The following CSPP1 variants were observed in gnomAD, a reference collection of about 807,000 sequenced individuals.
The protein encoded by CSPP1 is centrosome and spindle pole associated protein 1.
In CSPP1, 126 loss-of-function variants were observed where a neutral mutation model predicts 164.4. The observed-to-expected ratio is 0.77, with a 90% CI of 0.66 to 0.89. CSPP1 has a LOEUF of 0.89. Ranked by LOEUF, CSPP1 falls within the 40% of genes least tolerant of loss-of-function variation. The probability of loss-of-function intolerance (pLI) is 0.00; values close to 1 mark genes in which losing one functional copy is unlikely to be tolerated. For synonymous variants in CSPP1, 472 were observed against 476.7 expected (o/e 0.99, Z 0.13); for missense variants, 1,395 against 1,449.8 (o/e 0.96, Z 0.61).
chr8:67,183,030 A>G (rs1315552178), intron 28 of CSPP1, among the ~76,000 whole-genome samples: 1 of 152,210 alleles, frequency 6.6e-6, no homozygotes, highest in Admixed American at 6.5e-5. Flanking sequence ...TTGGTGTCAC[A>G]TCTAAGACAT....
rs371874012 is a variant in CSPP1 at position 67,170,563 on chromosome 8, G to C, written c.2829-1853G>C. On this transcript the variant is annotated intron_variant, in intron 24 of 30. Transcript: ENST00000678616. ...GAGGTCAAACTGCTAATAAATAACA[G>C]AGCTGGTCTTTGAATCTCAGTTTCT... Among the ~76,000 whole-genome samples the C allele has an allele frequency of 1.4e-3, 212 of 152,242 alleles. 1 individual carries two copies. The highest frequency in any genetic ancestry group is 4.8e-3 in the African/African-American group (201 of 41,534).
At chr8:67,104,298 T>C (rs2129547381) in intron 8 of CSPP1, among the ~76,000 whole-genome samples, 2 of 151,728 alleles carry the variant, frequency 1.3e-5, no homozygotes, top group Admixed American at 1.3e-4. Context: ...AGAGTCTCGC[T>C]TTGTTGTCCA....
At chr8:67,123,640 C>T (rs1819448535) in intron 15 of CSPP1, among the ~76,000 whole-genome samples, 1 of 147,144 alleles carries the variant, frequency 6.8e-6, no homozygotes, top group African/African-American at 2.5e-5. Flanking sequence ...GATAGGGTCT[C>T]ATTCTCTTTC....
chr8:67,193,879 A>G (rs1191039839), intron 30 of CSPP1, among the ~76,000 whole-genome samples: 1 of 152,286 alleles, frequency 6.6e-6, no homozygotes, highest in Non-Finnish European at 1.5e-5. Context: ...TGCTTTCAGC[A>G]AAGAAAATGC....
intron 21 of CSPP1, among the ~76,000 whole-genome samples, chr8:67,161,338 T>A (rs1280032045): frequency 6.6e-6 from 1 of 152,202 alleles, no homozygotes; most frequent in Non-Finnish European, 1.5e-5. Context: ...TAATACACTA[T>A]AAACTGAAAT....
intron 4 of CSPP1, among the ~76,000 whole-genome samples, chr8:67,089,134 G>GT (rs978269524): frequency 6.6e-5 from 10 of 152,036 alleles, no homozygotes; most frequent in African/African-American, 2.4e-4. Context: ...GGATATTTGA[G>GT]TTTTTAAAAA....
intron 9 of CSPP1, among the ~76,000 whole-genome samples, chr8:67,110,561 A>T (rs1816643310): frequency 6.6e-6 from 1 of 151,982 alleles, no homozygotes; most frequent in Admixed American, 6.6e-5. Flanking sequence ...GTCTGAAGGG[A>T]CCTCCTGTGG....
chr8:67,076,373 T>C (rs1174028125), intron 2 of CSPP1, 109 bp from the exon 3 acceptor site: 36 of 531,000 alleles, frequency 6.8e-5, no homozygotes, highest in Non-Finnish European at 1.0e-4. Flanking sequence ...ATTTCTTCTA[T>C]GATGTACTGT....
chr8:67,110,022 A>AC (rs1197719503), intron 9 of CSPP1, among the ~76,000 whole-genome samples: 2 of 150,690 alleles, frequency 1.3e-5, no homozygotes, highest in Non-Finnish European at 3.0e-5. Context: ...TAGATAAGCC[A>AC]CCCCCGCCCC....
intron 27 of CSPP1, 109 bp from the exon 28 acceptor site, chr8:67,179,754 T>A: frequency 4.2e-6 from 3 of 716,924 alleles, no homozygotes; most frequent in Non-Finnish European, 7.3e-6. Context: ...CTACCCATCC[T>A]CTGCTTTTAG....
chr8:67,149,998 T>C, intron 18 of CSPP1, 63 bp downstream of exon 18: 1 of 1,426,300 alleles, frequency 7.0e-7, no homozygotes, highest in Non-Finnish European at 9.3e-7. Flanking sequence ...TCAGTAACAT[T>C]TCTGTTCTGT....
At position 67,193,595 on chromosome 8, in the gene CSPP1, T is replaced by TAATA; in HGVS notation, c.3463_3466dup (p.Thr1156LysfsTer4). 6.2e-7 allele frequency: 1 copy of TAATA among 1,613,100 alleles called. No homozygotes were observed. Among genetic ancestry groups the TAATA allele is most frequent in the East Asian group, 2.2e-5 (1 of 44,848 alleles). ...TGAATGAATTTCACAATAAACCTAT[T>TAATA]AATACAGGTAAATGACCAAGTGTAA... On this transcript the variant is annotated frameshift_variant, in exon 30 of 31. Transcript: ENST00000678616. LOFTEE classifies it high-confidence loss of function.
intron 15 of CSPP1, among the ~76,000 whole-genome samples, chr8:67,120,474 T>C (rs891847649): frequency 4.6e-5 from 7 of 152,236 alleles, no homozygotes; most frequent in Non-Finnish European, 1.0e-4. Flanking sequence ...AACAGTGTCA[T>C]GTCTTCTGAT....
At chr8:67,099,608 T>C (rs1813602133) in intron 7 of CSPP1, among the ~76,000 whole-genome samples, 1 of 152,180 alleles carries the variant, frequency 6.6e-6, no homozygotes, top group Non-Finnish European at 1.5e-5. Flanking sequence ...AATAGAGATG[T>C]AGCCGTGGTA....
chr8:67,111,033 C>G (rs543062567), intron 9 of CSPP1, among the ~76,000 whole-genome samples: 71 of 152,274 alleles, frequency 4.7e-4, no homozygotes, highest in African/African-American at 1.7e-3. Flanking sequence ...TTGCTGACAT[C>G]TATGCTTAAT....
At chr8:67,150,026 G>T in intron 18 of CSPP1, 91 bp downstream of exon 18, 2 of 1,297,192 alleles carry the variant, frequency 1.5e-6, no homozygotes, top group Non-Finnish European at 1.0e-6. Flanking sequence ...TTCTTATTGG[G>T]ATCTTGAGAA....
intron 7 of CSPP1, among the ~76,000 whole-genome samples, chr8:67,097,016 A>G (rs967696596): frequency 1.3e-5 from 2 of 152,324 alleles, no homozygotes; most frequent in African/African-American, 2.4e-5. Flanking sequence ...TTGTGACACT[A>G]TTTATAATTT....
chr8:67,116,159 A>G (rs374121955), intron 13 of CSPP1, 37 bp downstream of exon 13: 61 of 1,413,018 alleles, frequency 4.3e-5, no homozygotes, highest in Non-Finnish European at 5.8e-5. Flanking sequence ...GGAATTAGGT[A>G]AGGTATTGCT....
chr8:67,092,734 C>T (rs969171109), intron 5 of CSPP1, among the ~76,000 whole-genome samples: 1 of 152,182 alleles, frequency 6.6e-6, no homozygotes, highest in African/African-American at 2.4e-5. Flanking sequence ...TGAGCCACCG[C>T]TCCCAGCTGA....
Sources: allele counts gnomAD v4.1 joint callset (sites outside exome capture counted in the v4.1 genomes callset), GRCh38; gene constraint gnomAD v4.1.1; transcripts MANE v1.5; gene names NCBI Gene and HGNC (gene_info 2026-07-23, HGNC 2026-07-21).